The following JARID2 variants were observed in gnomAD, a reference collection of about 807,000 sequenced individuals.
JARID2 encodes the protein jumonji and AT-rich interaction domain containing 2.
Under a neutral mutation model 125.6 loss-of-function variants are expected in JARID2, and 21 were observed. That is an observed-to-expected ratio of 0.17 (90% CI 0.12 to 0.24). The LOEUF is 0.24. Among genes scored for constraint, JARID2 ranks in the 10% least tolerant of loss-of-function variants. JARID2 has a pLI of 1.00. For missense variants in JARID2, 1,303 were observed against 1,639.6 expected, an observed-to-expected ratio of 0.79 and a Z score of 3.55; for synonymous variants, 736 against 661.6, an observed-to-expected ratio of 1.11 and a Z score of -1.73.
intron 2 of JARID2, among the ~76,000 whole-genome samples, chr6:15,402,712 C>A (rs1765485896): frequency 6.6e-6 from 1 of 152,122 alleles, no homozygotes; most frequent in Admixed American, 6.5e-5. Context: ...GGCTTTTGAC[C>A]TTGGAGGTGG....
At chr6:15,449,159 A>T (rs994962101) in intron 3 of JARID2, among the ~76,000 whole-genome samples, 4 of 152,040 alleles carry the variant, frequency 2.6e-5, no homozygotes, top group African/African-American at 9.7e-5. Flanking sequence ...GTCATGACTT[A>T]TATAGAGGCA....
At position 15,513,259 on chromosome 6, in the gene JARID2, G is replaced by A. The variant is rs772155471; in HGVS notation, c.3287G>A (p.Arg1096His). 3 of 1,572,484 alleles carry A rather than the reference G, an allele frequency of 1.9e-6. No homozygotes were observed. Among genetic ancestry groups the A allele is most frequent in the Non-Finnish European group, 2.6e-6 (3 of 1,157,910 alleles). The change falls in exon 16 of 18, where the codon CGC becomes CAC. Residue 1096 changes from arginine to histidine, a missense_variant. Arg to His is a conservative substitution (Grantham distance 29). Coordinates refer to ENST00000341776, the MANE Select transcript of JARID2 (RefSeq NM_004973.4). ...GGCAGGGATACAGAGCTGCGGCAGCGCAGGCAGCTGTTCGAGGCTGGCCTC... is the reference window on the plus strand; with the variant it reads ...GGCAGGGATACAGAGCTGCGGCAGCACAGGCAGCTGTTCGAGGCTGGCCTC... ...DELRDTELRQRRQLFEAGLHS... is the reference protein window; with the variant it reads ...DELRDTELRQHRQLFEAGLHS...
At chr6:15,306,325 T>G in intron 1 of JARID2, among the ~76,000 whole-genome samples, 1 of 139,174 alleles carries the variant, frequency 7.2e-6, no homozygotes, top group South Asian at 2.3e-4. Context: ...CATAGTCATA[T>G]TTCTTTTTTT....
intron 1 of JARID2, among the ~76,000 whole-genome samples, chr6:15,259,301 GTT>G (rs1382590731): frequency 1.3e-5 from 2 of 152,212 alleles, no homozygotes; most frequent in African/African-American, 4.8e-5. Flanking sequence ...CTAAAGCTCT[GTT>G]TGTTCTATTT....
rs200237310 is a variant in JARID2 at position 15,496,662 on chromosome 6, T to C, written c.1437T>C (p.Gly479=). The change falls in exon 7 of 18, where the codon GGT becomes GGC. Residue 479 remains glycine (G), a synonymous_variant. Transcript: ENST00000341776. The part of the protein sequence containing the change: ...GPGKKAPAER[G]LLNGHVKKEV... ...GCAAGAAGGCCCCGGCCGAGAGAGG[T>C]CTGCTGAACGGACACGTGAAGAAGG... is the stretch of plus-strand genomic sequence containing the variant. 2.5e-5 allele frequency: 40 copies of C among 1,611,840 alleles called. No individual in the cohort carries two copies. The East Asian group carries it at 4.0e-4, about 16-fold the overall frequency.
At position 15,521,787 on chromosome 6, in the gene JARID2, C is replaced by T. The variant is rs887252333; in HGVS notation, c.*1536C>T. 1 of 152,180 alleles carries T rather than the reference C, an allele frequency of 6.6e-6. No homozygotes were observed. Among genetic ancestry groups the T allele is most frequent in the Non-Finnish European group, 1.5e-5 (1 of 68,034 alleles). The allele number at this position is 152,180 out of a possible 1,614,324, so 9.4% of individuals were successfully genotyped here. A position where few individuals can be genotyped will look rare whatever the true frequency, so the allele number is the denominator to read the frequency against. On this transcript the variant is annotated 3_prime_UTR_variant, in exon 18 of 18. Coordinates refer to ENST00000341776, the MANE Select transcript of JARID2 (RefSeq NM_004973.4). ...ACTGTTTTGGAATATTTAACAATTA[C>T]AGAAACAGTCAAGTGTTTTCCAATG...
At chr6:15,518,280 G>T (rs762101877) in intron 17 of JARID2, among the ~76,000 whole-genome samples, 2 of 152,200 alleles carry the variant, frequency 1.3e-5, no homozygotes, top group Non-Finnish European at 2.9e-5. Flanking sequence ...GTGAATCATG[G>T]GTTGTACCTC....
At chr6:15,315,298 C>G (rs1762142697) in intron 1 of JARID2, among the ~76,000 whole-genome samples, 1 of 152,156 alleles carries the variant, frequency 6.6e-6, no homozygotes, top group Admixed American at 6.5e-5. Flanking sequence ...AGTAGACAAT[C>G]TACAGGACTA....
At chr6:15,334,036 C>A (rs183536338) in intron 1 of JARID2, among the ~76,000 whole-genome samples, 18 of 152,200 alleles carry the variant, frequency 1.2e-4, no homozygotes, top group African/African-American at 3.6e-4. Context: ...TGCGGAAGTC[C>A]ATAACCCCAA....
chr6:15,336,296 G>T (rs1256967055), intron 1 of JARID2, among the ~76,000 whole-genome samples: 2 of 152,248 alleles, frequency 1.3e-5, no homozygotes, highest in Admixed American at 6.5e-5. Context: ...AACAACACTG[G>T]TGGTTCAGTA....
chr6:15,353,123 T>C (rs932559076), intron 1 of JARID2, among the ~76,000 whole-genome samples: 5 of 152,204 alleles, frequency 3.3e-5, no homozygotes, highest in African/African-American at 1.2e-4. Context: ...AATAGCCTTT[T>C]GAGTATTTTT....
chr6:15,431,929 G>T (rs1766982334), intron 3 of JARID2, among the ~76,000 whole-genome samples: 1 of 152,180 alleles, frequency 6.6e-6, no homozygotes, highest in Non-Finnish European at 1.5e-5. Context: ...TAGGAAGCCT[G>T]TTCTCAGGAA....
At chr6:15,260,932 C>G (rs1033519263) in intron 1 of JARID2, among the ~76,000 whole-genome samples, 7 of 152,322 alleles carry the variant, frequency 4.6e-5, no homozygotes, top group South Asian at 4.1e-4. Flanking sequence ...ATTCAAGTAG[C>G]CTTTTTTTCC....
At chr6:15,468,934 T>C (rs1768881616) in intron 5 of JARID2, among the ~76,000 whole-genome samples, 1 of 152,080 alleles carries the variant, frequency 6.6e-6, no homozygotes, top group African/African-American at 2.4e-5. Context: ...GTGGAGATGA[T>C]GGTAAATTCT....
chr6:15,440,554 T>A (rs1767401816), intron 3 of JARID2, among the ~76,000 whole-genome samples: 1 of 152,248 alleles, frequency 6.6e-6, no homozygotes, highest in Admixed American at 6.5e-5. Flanking sequence ...AGGGATATTC[T>A]GGGTATTGTT....
intron 3 of JARID2, among the ~76,000 whole-genome samples, chr6:15,427,725 G>T (rs539424964): frequency 3.9e-5 from 6 of 152,166 alleles, no homozygotes; most frequent in African/African-American, 9.6e-5. Context: ...ATCTTCCTTA[G>T]TGTGAATGTG....
intron 16 of JARID2, among the ~76,000 whole-genome samples, chr6:15,515,338 T>G (rs1771496515): frequency 6.6e-6 from 1 of 152,194 alleles, no homozygotes; most frequent in Admixed American, 6.5e-5. Context: ...GAACACGCTA[T>G]TCATTTCCAT....
chr6:15,336,239 G>A (rs545867147), intron 1 of JARID2, among the ~76,000 whole-genome samples: 1 of 152,390 alleles, frequency 6.6e-6, no homozygotes, highest in Admixed American at 6.5e-5. Context: ...GAATCTGAGG[G>A]AGGGAAGGAA....
chr6:15,249,172 A>G (rs1227650158), intron 1 of JARID2, among the ~76,000 whole-genome samples: 2 of 152,260 alleles, frequency 1.3e-5, no homozygotes, highest in African/African-American at 2.4e-5. Context: ...GAAAGTATTC[A>G]GGGAAAGCTG....
Sources: gnomAD v4.1 joint callset for allele counts (sites outside exome capture counted in the v4.1 genomes callset) on GRCh38, gnomAD v4.1.1 for gene constraint, MANE v1.5 for transcripts, NCBI Gene and HGNC (gene_info 2026-07-23, HGNC 2026-07-21) for gene names.